The following RUNX3 variants were observed in gnomAD, a reference collection of about 807,000 sequenced individuals.
RUNX3 encodes runt-related transcription factor 3.
RUNX3 carries 10 observed loss-of-function variants against 27.7 expected under a neutral mutation model. That is an observed-to-expected ratio of 0.36 (90% CI 0.22 to 0.61). The LOEUF (loss-of-function observed/expected upper bound fraction) is 0.61. Among genes scored for constraint, RUNX3 ranks in the 20% least tolerant of loss-of-function variants. The probability of loss-of-function intolerance (pLI) is 0.72; values close to 1 mark genes in which losing one functional copy is unlikely to be tolerated. For synonymous variants in RUNX3, 270 were observed against 269.2 expected (o/e 1.00, Z -0.03); for missense variants, 469 against 629.5 (o/e 0.75, Z 2.73).
rs763981332 is a variant in RUNX3 at position 24,919,366 on chromosome 1, G to A, written c.440-22C>T. On this transcript the variant is annotated intron_variant, in intron 2 of 4. Coordinates refer to ENST00000308873, the MANE Select transcript of RUNX3 (RefSeq NM_004350.3). ...TTCCCTGGGGAGAGTGGGGAATAGA[G>A]GCAGGTGGTTGGCACCTGGAGCTTC... 178 of 1,563,254 alleles carry A rather than the reference G, an allele frequency of 1.1e-4. 1 individual carries two copies. The Admixed American group carries it at 2.5e-3, about 22-fold the overall frequency.
chr1:24,908,176 A>ACCTCTAT (rs1451847240), intron 3 of RUNX3, among the ~76,000 whole-genome samples: 22 of 133,884 alleles, frequency 1.6e-4, no homozygotes, highest in African/African-American at 5.7e-4. Flanking sequence ...GGTGATCCGA[A>ACCTCTAT]GCTCTACGAC....
chr1:24,906,716 G>A (rs1367888601), intron 4 of RUNX3, among the ~76,000 whole-genome samples: 2 of 152,236 alleles, frequency 1.3e-5, no homozygotes, highest in African/African-American at 4.8e-5. Context: ...CAGGGTGGGA[G>A]ACCTTTCCCA....
In RUNX3 at chr1:24,909,784, A is replaced by T. The variant is rs1019672993; in HGVS notation, c.545-2367T>A. 2.0e-5 allele frequency among the ~76,000 whole-genome samples: 3 copies of T among 152,220 alleles called. No homozygotes were observed. The South Asian group carries it at 6.2e-4, about 32-fold the overall frequency. On this transcript the variant is annotated intron_variant, in intron 3 of 4. Coordinates refer to ENST00000308873, the MANE Select transcript of RUNX3 (RefSeq NM_004350.3). ...CCCGAGGAAAGGACGGCTCCCTTGGAGGACTGTGCACTCCAGGGTTCGGCT... is the reference window on the plus strand; with the variant it reads ...CCCGAGGAAAGGACGGCTCCCTTGGTGGACTGTGCACTCCAGGGTTCGGCT...
At chr1:24,964,409 C>T (rs984275915) in intron 2 of RUNX3, 11 of 888,348 alleles carry the variant, frequency 1.2e-5, no homozygotes, top group South Asian at 4.3e-5. Flanking sequence ...CGGATTTAGG[C>T]GGACAGGCTG....
At chr1:24,929,245 G>A (rs771891839) in intron 1 of RUNX3, 1 of 558,294 alleles carries the variant, frequency 1.8e-6, no homozygotes, top group South Asian at 1.5e-5. Flanking sequence ...CCTGTCCCGG[G>A]ATCCTCTTCT....
chr1:24,922,365 T>C (rs531881453), intron 2 of RUNX3, among the ~76,000 whole-genome samples: 2 of 152,244 alleles, frequency 1.3e-5, no homozygotes, highest in East Asian at 1.9e-4. Flanking sequence ...GCCTGAGAAC[T>C]AGGGTAGGAA....
chr1:24,900,900 G>A lies in RUNX3; in HGVS notation c.*1222C>T, dbSNP rs548723552. ...GTCCGCGGGGGGGAGAGGGGGCGGG[G>A]ATGTTGCTTATAATCACAGAGCTAT... On this transcript the variant is annotated 3_prime_UTR_variant, in exon 5 of 5. Transcript: ENST00000308873. 54 of 152,206 alleles carry A rather than the reference G, an allele frequency of 3.5e-4. No homozygotes were observed. Among genetic ancestry groups the A allele is most frequent in the African/African-American group, 9.6e-4 (40 of 41,510 alleles). 9.4% of individuals were successfully genotyped at this position (152,206 alleles called of 1,614,324 possible).
intron 2 of RUNX3, chr1:24,963,061 C>G (rs549126318): frequency 2.6e-5 from 4 of 152,398 alleles, no homozygotes; most frequent in Non-Finnish European, 4.4e-5. Context: ...GCTCTCAGCT[C>G]TCAGACCTGG....
Position 24,907,238 on chromosome 1 carries a change from G to C in RUNX3, c.703+21C>G, listed in dbSNP as rs181209703. 1.4e-5 allele frequency: 23 copies of C among 1,602,616 alleles called. No individual in the cohort carries two copies. In the East Asian group the frequency reaches 4.9e-4, roughly 34 times the overall value. On this transcript the variant is annotated intron_variant, in intron 4 of 4. Coordinates refer to ENST00000308873, the MANE Select transcript of RUNX3 (RefSeq NM_004350.3). ...TCCACCCCCACCTCACCCCGCTGCA[G>C]CCCCTCCCTCCGTGCCGTACCTTGG...
chr1:24,964,726 CTCT>C (rs1642214672), intron 1 of RUNX3: 1 of 1,472,068 alleles, frequency 6.8e-7, no homozygotes, highest in African/African-American at 1.4e-5. Context: ...TTGTTTTTGT[CTCT>C]TTTTTCCCCC....
Position 24,938,453 on chromosome 1 carries a change from C to T in RUNX3, c.59-8601G>A, listed in dbSNP as rs191705830. 2.3e-4 allele frequency among the ~76,000 whole-genome samples: 35 copies of T among 152,278 alleles called. No individual in the cohort carries two copies. The East Asian group carries it at 4.0e-3, about 18-fold the overall frequency. On this transcript the variant is annotated intron_variant, in intron 2 of 6. Coordinates refer to the RUNX3 transcript ENST00000338888. ...ACTCTGAGGCTCCTGTCAGCTGGCCCGGTTGCCTCTGCACAAACTTTCGGA... is the reference window on the plus strand; with the variant it reads ...ACTCTGAGGCTCCTGTCAGCTGGCCTGGTTGCCTCTGCACAAACTTTCGGA...
chr1:24,908,209 G>T (rs954770151), intron 3 of RUNX3, among the ~76,000 whole-genome samples: 4 of 128,518 alleles, frequency 3.1e-5, no homozygotes, highest in Admixed American at 1.5e-4. Flanking sequence ...GAACCTCTAC[G>T]ACACGCGGTG....
Position 24,902,328 on chromosome 1 carries a change from C to T in RUNX3, c.1042G>A (p.Gly348Ser), listed in dbSNP as rs772595772. The T allele has an allele frequency of 4.0e-5, 65 of 1,610,104 alleles. No homozygotes were observed. Among genetic ancestry groups the T allele is most frequent in the Middle Eastern group, 1.7e-4 (1 of 5,908 alleles). The change falls in exon 5 of 5, where the codon GGC (glycine) becomes AGC (serine). Residue 348 changes from glycine (G) to serine (S), a missense_variant. This residue lies in a region of RUNX3 where 279 missense variants were observed against 343.0 expected (regional missense o/e 0.81). Transcript: ENST00000308873. This position sits in a 1 kb window ranked among gnomAD's most constrained non-coding sequence, Gnocchi z 9.2. ...GAGCGGTCGCCCCCACTGCTGCTGCCGGCCACCATGGAGAACTGGTAGGAG... is the reference window on the plus strand; with the variant it reads ...GAGCGGTCGCCCCCACTGCTGCTGCTGGCCACCATGGAGAACTGGTAGGAG... ...SGSYQFSMVA[G>S]SSSGGDRSPT... is the part of the protein sequence containing the mutation.
At chr1:24,930,387 G>A (rs549421688), upstream of RUNX3, 165 of 279,084 alleles carry the variant, frequency 5.9e-4, 1 homozygote, top group African/African-American at 3.6e-3. This position sits in a 1 kb window ranked among gnomAD's most constrained non-coding sequence, Gnocchi z 4.1. Flanking sequence ...GGGCACCTCG[G>A]TGGCGTTCGC....
intron 2 of RUNX3, among the ~76,000 whole-genome samples, chr1:24,951,155 A>G (rs546812722): frequency 2.2e-4 from 33 of 149,858 alleles, no homozygotes; most frequent in Admixed American, 3.4e-4. Context: ...GCAGTGAGCC[A>G]AGATCATGCC....
rs1641532373 is a variant in RUNX3, at chr1:24,943,600, CG to C, written c.59-13749del. 6.6e-6 allele frequency among the ~76,000 whole-genome samples: 1 copy of C among 152,172 alleles called. No individual in the cohort carries two copies. Among genetic ancestry groups the C allele is most frequent in the African/African-American group, 2.4e-5 (1 of 41,434 alleles). On this transcript the variant is annotated intron_variant, in intron 2 of 6. Coordinates refer to the RUNX3 transcript ENST00000338888. The surrounding 1 kb of genome is among the most constrained non-coding windows in gnomAD (Gnocchi z 4.6). ...AGAGCCCTGGAACAGTTGGCCAGTGCGGAGAGGACCCCCGAAGATCTCTGAG... is the reference window on the plus strand; with the variant it reads ...AGAGCCCTGGAACAGTTGGCCAGTGCGAGAGGACCCCCGAAGATCTCTGAG...
At chr1:24,953,363 G>GAAAAAAAAAAAAAAAAAAAAAA (rs71577738) in intron 2 of RUNX3, among the ~76,000 whole-genome samples, 2 of 60,690 alleles carry the variant, frequency 3.3e-5, no homozygotes, top group African/African-American at 7.3e-5. Flanking sequence ...GACTCCGTCT[G>GAAAAAAAAAAAAAAAAAAAAAA]AAAAAAAAAA....
intron 2 of RUNX3, among the ~76,000 whole-genome samples, chr1:24,920,888 C>G (rs1640985918): frequency 6.6e-6 from 1 of 152,200 alleles, no homozygotes; most frequent in Non-Finnish European, 1.5e-5. Context: ...GAGTCCTCCT[C>G]TCACCCTATT....
chr1:24,941,083 G>A (rs1004446201), intron 2 of RUNX3, among the ~76,000 whole-genome samples: 3 of 152,310 alleles, frequency 2.0e-5, no homozygotes, highest in African/African-American at 7.2e-5. Flanking sequence ...ATGCAGCAAA[G>A]CTGCACTGTT....
Sources: gnomAD v4.1 joint callset for allele counts (sites outside exome capture counted in the v4.1 genomes callset) on GRCh38, gnomAD v4.1.1 for gene constraint, gnomAD v4.1.1 regional missense constraint, Gnocchi (gnomAD v3.1) non-coding constraint, MANE v1.5 for transcripts, NCBI Gene and HGNC (gene_info 2026-07-23, HGNC 2026-07-21) for gene names.